MCPH1: variants seen among roughly 807,000 people sequenced by gnomAD.
MCPH1 encodes microcephalin.
Under a neutral mutation model 84.5 loss-of-function variants are expected in MCPH1, and 104 were observed. The ratio of observed to expected loss-of-function variants is 1.23; its 90% CI spans 1.05 to 1.45. The LOEUF is 1.45. Ranked by LOEUF, MCPH1 falls within the 40% of genes most tolerant of loss-of-function variation. The pLI is 0.00. For synonymous variants in MCPH1, 514 were observed against 366.8 expected (o/e 1.40, Z -4.58); for missense variants, 1,498 against 1,005.7 (o/e 1.49, Z -6.62).
intron 12 of MCPH1, among the ~76,000 whole-genome samples, chr8:6,530,126 A>G (rs1181033056): frequency 6.6e-6 from 1 of 152,176 alleles, no homozygotes; most frequent in Admixed American, 6.5e-5. Flanking sequence ...GAGCTATTCA[A>G]TTACCCATCA....
intron 11 of MCPH1, among the ~76,000 whole-genome samples, chr8:6,486,897 C>A (rs1434067020): frequency 6.6e-6 from 1 of 152,194 alleles, no homozygotes; most frequent in African/African-American, 2.4e-5. Context: ...ATCCCACTCT[C>A]ACTTAATTTG....
chr8:6,504,040 C>A (rs1018433698), intron 12 of MCPH1, among the ~76,000 whole-genome samples: 1 of 152,146 alleles, frequency 6.6e-6, no homozygotes, highest in African/African-American at 2.4e-5. Flanking sequence ...AAGCAGGGGC[C>A]GGGCGCAGTG....
intron 12 of MCPH1, among the ~76,000 whole-genome samples, chr8:6,530,773 A>G (rs1819347892): frequency 1.3e-5 from 2 of 152,096 alleles, no homozygotes; most frequent in African/African-American, 4.8e-5. Flanking sequence ...TCTTTTGTTA[A>G]TCTATCATTT....
chr8:6,601,078 A>G (rs937639425), intron 12 of MCPH1, among the ~76,000 whole-genome samples: 1 of 152,090 alleles, frequency 6.6e-6, no homozygotes, highest in African/African-American at 2.4e-5. Flanking sequence ...GTGGCCCTGC[A>G]GCCAGCACCT....
chr8:6,602,987 G>A (rs777134841), intron 12 of MCPH1, among the ~76,000 whole-genome samples: 1 of 143,950 alleles, frequency 6.9e-6, no homozygotes, highest in Non-Finnish European at 1.5e-5. Context: ...GTGCATCCGT[G>A]TGTGTGTGTG....
At chr8:6,491,111 G>T (rs1810518272) in intron 11 of MCPH1, among the ~76,000 whole-genome samples, 1 of 150,628 alleles carries the variant, frequency 6.6e-6, no homozygotes, top group African/African-American at 2.4e-5. Flanking sequence ...AACTTTCAAA[G>T]TAGTATGGCA....
intron 11 of MCPH1, among the ~76,000 whole-genome samples, chr8:6,495,947 C>CT (rs1275011943): frequency 6.6e-6 from 1 of 152,114 alleles, no homozygotes; most frequent in Admixed American, 6.5e-5. Context: ...AGTCTCCAAC[C>CT]TTTTTGGCAC....
At chr8:6,417,699 C>A (rs943068805) in intron 3 of MCPH1, among the ~76,000 whole-genome samples, 1 of 152,026 alleles carries the variant, frequency 6.6e-6, no homozygotes, top group African/African-American at 2.4e-5. Context: ...TTTGGTTTTC[C>A]TGTCTTCGGT....
intron 9 of MCPH1, among the ~76,000 whole-genome samples, chr8:6,455,913 C>G (rs987880772): frequency 6.6e-6 from 1 of 151,964 alleles, no homozygotes; most frequent in African/African-American, 2.4e-5. Context: ...AAAAACCATA[C>G]CGATTGAAAA....
At chr8:6,555,373 AG>A (rs1479294099) in intron 12 of MCPH1, among the ~76,000 whole-genome samples, 1 of 152,214 alleles carries the variant, frequency 6.6e-6, no homozygotes, top group African/African-American at 2.4e-5. Flanking sequence ...CTTCCAGAAC[AG>A]GGCTGTAACT....
At chr8:6,551,352 G>A (rs1489873819) in intron 12 of MCPH1, among the ~76,000 whole-genome samples, 2 of 152,064 alleles carry the variant, frequency 1.3e-5, no homozygotes, top group Admixed American at 6.5e-5. Flanking sequence ...CAGCTGCAAC[G>A]CCTTCATGGC....
intron 12 of MCPH1, among the ~76,000 whole-genome samples, chr8:6,617,783 C>T (rs1457845036): frequency 6.6e-6 from 1 of 152,100 alleles, no homozygotes; most frequent in African/African-American, 2.4e-5. Context: ...CTCAAGTGAT[C>T]CTCCCACCTC....
intron 9 of MCPH1, among the ~76,000 whole-genome samples, chr8:6,469,038 T>C (rs1258525965): frequency 1.3e-5 from 2 of 151,984 alleles, no homozygotes; most frequent in Non-Finnish European, 2.9e-5. Flanking sequence ...AAAATAATTT[T>C]TTAAAAATAT....
intron 12 of MCPH1, among the ~76,000 whole-genome samples, chr8:6,511,784 T>C (rs945278159): frequency 1.2e-4 from 18 of 152,246 alleles, no homozygotes; most frequent in African/African-American, 4.1e-4. Context: ...AAAGGAAATA[T>C]CTGTTAAGAA....
intron 12 of MCPH1, among the ~76,000 whole-genome samples, chr8:6,504,317 C>CAAAAAA (rs35379672): frequency 1.0e-4 from 9 of 85,864 alleles, no homozygotes; most frequent in East Asian, 6.3e-4. Flanking sequence ...GACTCCAGCT[C>CAAAAAA]AAAAAAAAAA....
At chr8:6,477,345 A>T (rs1428488543) in intron 9 of MCPH1, 13 of 465,750 alleles carry the variant, frequency 2.8e-5, no homozygotes, top group East Asian at 2.6e-4. Flanking sequence ...TCCTGGGGGA[A>T]ATTTTTTTGT....
chr8:6,467,739 G>A (rs967427946), intron 9 of MCPH1, among the ~76,000 whole-genome samples: 4 of 152,220 alleles, frequency 2.6e-5, no homozygotes, highest in Admixed American at 2.0e-4. Flanking sequence ...TGAGACTCCA[G>A]GCAGGTGCCA....
chr8:6,613,355 G>A (rs774867009), intron 12 of MCPH1, among the ~76,000 whole-genome samples: 2 of 152,244 alleles, frequency 1.3e-5, no homozygotes, highest in African/African-American at 2.4e-5. Flanking sequence ...ATTCACCCGC[G>A]GCGATGCCGG....
At chr8:6,620,960 G>A (rs2253560) in intron 12 of MCPH1, 36,222 of 191,354 alleles carry the variant, frequency 0.19, 4,128 homozygotes, top group Non-Finnish European at 0.25. Flanking sequence ...TCCCCGTCCA[G>A]ACCATGGTAT....
Sources: gnomAD v4.1 joint callset for allele counts (sites outside exome capture counted in the v4.1 genomes callset) on GRCh38, gnomAD v4.1.1 for gene constraint, MANE v1.5 for transcripts, NCBI Gene and HGNC (gene_info 2026-07-23, HGNC 2026-07-21) for gene names.